Variants in CAMK1D observed in about 807,000 individuals in gnomAD.
The protein encoded by CAMK1D is calcium/calmodulin dependent protein kinase ID.
Under a neutral mutation model 47.7 loss-of-function variants are expected in CAMK1D, and 9 were observed. The observed-to-expected ratio is 0.19, with a 90% CI of 0.11 to 0.33. CAMK1D has a LOEUF of 0.33. Ranked by LOEUF, CAMK1D falls within the 10% of genes least tolerant of loss-of-function variation. CAMK1D has a pLI of 1.00. For missense variants in CAMK1D, 291 were observed against 488.7 expected (o/e 0.60, Z 3.81); for synonymous variants, 184 against 184.9 (o/e 0.99, Z 0.04).
intron 4 of CAMK1D, among the ~76,000 whole-genome samples, chr10:12,765,958 C>CT (rs147498267): frequency 0.15 from 12,666 of 86,386 alleles, 1,207 homozygotes; most frequent in African/African-American, 0.19. Context: ...CCATCCTAAT[C>CT]TTTTTTTTTT....
At chr10:12,418,070 T>C (rs1205322702) in intron 1 of CAMK1D, among the ~76,000 whole-genome samples, 4 of 152,216 alleles carry the variant, frequency 2.6e-5, no homozygotes, top group African/African-American at 9.6e-5. Flanking sequence ...CCTCCCAAAG[T>C]GCTCACAAGA....
At chr10:12,441,528 TAAA>T (rs111767948) in intron 1 of CAMK1D, among the ~76,000 whole-genome samples, 26 of 146,694 alleles carry the variant, frequency 1.8e-4, no homozygotes, top group Admixed American at 2.7e-4. Context: ...TTCCTTTTGT[TAAA>T]AAAAAAAAAA....
rs868504240 is a variant in CAMK1D at position 12,497,428 on chromosome 10, G to A, written c.93-55797G>A. On this transcript the variant is annotated intron_variant, in intron 1 of 10. Transcript: ENST00000619168. ...GGAGGAGGAAGTTGCAGTGAACCGAGATCACGCCACTGCACCTCAGCCTGG... is the reference window on the plus strand; with the variant it reads ...GGAGGAGGAAGTTGCAGTGAACCGAAATCACGCCACTGCACCTCAGCCTGG... 3.3e-4 allele frequency among the ~76,000 whole-genome samples: 45 copies of A among 137,986 alleles called. 1 individual carries two copies. Among genetic ancestry groups the A allele is most frequent in the South Asian group, 6.8e-4 (3 of 4,392 alleles). 90.5% of individuals were successfully genotyped at this position (137,986 alleles called of 152,430 possible). A position where few individuals can be genotyped will look rare whatever the true frequency, so the allele number is the denominator to read the frequency against.
At chr10:12,380,201 C>G (rs1021241844) in intron 1 of CAMK1D, among the ~76,000 whole-genome samples, 2 of 151,804 alleles carry the variant, frequency 1.3e-5, no homozygotes, top group African/African-American at 4.8e-5. Context: ...GGTGACAGAG[C>G]GAGACTCTAT....
At chr10:12,352,942 T>C (rs575685893) in intron 1 of CAMK1D, among the ~76,000 whole-genome samples, 1 of 152,166 alleles carries the variant, frequency 6.6e-6, no homozygotes, top group South Asian at 2.1e-4. Context: ...TTTCACCGTG[T>C]TAGCCAGGAT....
rs1318305759 is a variant in CAMK1D at position 12,830,581 on chromosome 10, T to G, written c.*1694T>G. On this transcript the variant is annotated 3_prime_UTR_variant, in exon 11 of 11. Transcript: ENST00000619168. ...AATATCCGGGGCAAAGCAGGCTGTG[T>G]TGTTCGCCTTTGTGGAGCCAGGCAG... 1.3e-5 allele frequency: 2 copies of G among 152,266 alleles called. No homozygotes were observed. The highest frequency in any genetic ancestry group is 1.9e-4 in the East Asian group (1 of 5,196). The allele number at this position is 152,266 out of a possible 1,614,324, so 9.4% of individuals were successfully genotyped here. A position where few individuals can be genotyped will look rare whatever the true frequency, so the allele number is the denominator to read the frequency against.
chr10:12,816,367 A>G (rs1224330622), intron 8 of CAMK1D, 39 bp downstream of exon 8: 9 of 1,560,620 alleles, frequency 5.8e-6, no homozygotes, highest in African/African-American at 2.7e-5. Flanking sequence ...GTGCCATTTA[A>G]TGCCATCTGG....
At chr10:12,508,133 T>G (rs1834933069) in intron 1 of CAMK1D, among the ~76,000 whole-genome samples, 1 of 152,206 alleles carries the variant, frequency 6.6e-6, no homozygotes, top group Admixed American at 6.5e-5. Flanking sequence ...ATGCTGCCTG[T>G]TCTCAGGGAG....
Position 12,694,381 on chromosome 10 carries a change from AAT to A in CAMK1D, c.299+27578_299+27579del, listed in dbSNP as rs562319205. 3.8e-3 allele frequency among the ~76,000 whole-genome samples: 368 copies of A among 96,092 alleles called. 20 individuals carry two copies. The Admixed American group carries it at 0.045, about 12-fold the overall frequency. The allele number at this position is 96,092 out of a possible 152,430, so 63.0% of individuals were successfully genotyped here. On this transcript the variant is annotated intron_variant, in intron 3 of 10. Transcript: ENST00000619168. ...GTTATATGTTATATATAAAATATAA[AAT>A]ATATATGTTATATATCATATATAAA... is the stretch of plus-strand genomic sequence containing the variant.
intron 3 of CAMK1D, among the ~76,000 whole-genome samples, chr10:12,679,221 C>T (rs909402869): frequency 1.3e-5 from 2 of 152,072 alleles, no homozygotes; most frequent in South Asian, 2.1e-4. Context: ...ACAATTGTAA[C>T]CTTTTTGAAA....
At chr10:12,596,730 T>A (rs1838156119) in intron 2 of CAMK1D, among the ~76,000 whole-genome samples, 1 of 152,102 alleles carries the variant, frequency 6.6e-6, no homozygotes, top group Non-Finnish European at 1.5e-5. Context: ...GGTCTAGAAT[T>A]TAAACTGGTA....
chr10:12,406,808 T>C (rs1452689122), intron 1 of CAMK1D, among the ~76,000 whole-genome samples: 1 of 148,992 alleles, frequency 6.7e-6, no homozygotes, highest in East Asian at 2.0e-4. Context: ...GCATCCTCCA[T>C]TGCTGCGTAA....
At chr10:12,429,926 A>G (rs1588476702) in intron 1 of CAMK1D, among the ~76,000 whole-genome samples, 1 of 152,064 alleles carries the variant, frequency 6.6e-6, no homozygotes, top group Non-Finnish European at 1.5e-5. Context: ...TGGGCTGGGT[A>G]ACTGCAGTTC....
intron 2 of CAMK1D, among the ~76,000 whole-genome samples, chr10:12,562,798 C>G (rs537517008): frequency 1.6e-4 from 24 of 152,226 alleles, no homozygotes; most frequent in African/African-American, 5.8e-4. Flanking sequence ...CTGTGGACTT[C>G]CTGAATCTAG....
rs1248414163 is a variant in CAMK1D at position 12,591,755 on chromosome 10, G to A, written c.224+38399G>A. Among the ~76,000 whole-genome samples, 9 of 152,298 alleles carry A rather than the reference G, an allele frequency of 5.9e-5. No individual in the cohort carries two copies. In the South Asian group the frequency reaches 1.7e-3, roughly 28 times the overall value. ...GTCCCCCAGGCTGGAGTGCAATGGC[G>A]CGATCTCGGCTCACTGCAACCTCCG... On this transcript the variant is annotated intron_variant, in intron 2 of 10. Coordinates refer to ENST00000619168, the MANE Select transcript of CAMK1D (RefSeq NM_153498.4).
intron 2 of CAMK1D, among the ~76,000 whole-genome samples, chr10:12,636,692 T>C (rs1009781601): frequency 2.0e-5 from 3 of 152,154 alleles, no homozygotes; most frequent in Non-Finnish European, 2.9e-5. Context: ...TTTGAAGTTA[T>C]ACAGCCAGCA....
rs372087076 is a variant in CAMK1D, at chr10:12,363,400, G to C, written c.92+13490G>C. Among the ~76,000 whole-genome samples the C allele has an allele frequency of 2.6e-5, 4 of 151,870 alleles. No individual in the cohort carries two copies. In the East Asian group the frequency reaches 7.8e-4, roughly 30 times the overall value. On this transcript the variant is annotated intron_variant, in intron 1 of 10. Coordinates refer to ENST00000619168, the MANE Select transcript of CAMK1D (RefSeq NM_153498.4). ...CTTCCAAGTAGCCGGGATTACAGGT[G>C]CCCACCACCATGCCTAGCTAATTTT...
At position 12,349,570 on chromosome 10, in the gene CAMK1D, GGCGGCGGCAAAGGAGCCGGCGC is replaced by G. The variant is rs1013587011; in HGVS notation, c.-240_-219del. ...AAAGTAGCAGAAAGTGAGGCTGGCA[GGCGGCGGCAAAGGAGCCGGCGC>G]GCGGCGGCGGCAGGAAGTCTGTGCC... On this transcript the variant is annotated 5_prime_UTR_variant, in exon 1 of 11. Coordinates refer to ENST00000619168, the MANE Select transcript of CAMK1D (RefSeq NM_153498.4). 11 of 155,614 alleles carry G rather than the reference GGCGGCGGCAAAGGAGCCGGCGC, an allele frequency of 7.1e-5. No individual in the cohort carries two copies. The highest frequency in any genetic ancestry group is 1.9e-4 in the East Asian group (1 of 5,202). The allele number at this position is 155,614 out of a possible 1,614,324, so 9.6% of individuals were successfully genotyped here.
At chr10:12,605,366 G>GTGTGTGTA (rs769065333) in intron 2 of CAMK1D, among the ~76,000 whole-genome samples, 16 of 151,100 alleles carry the variant, frequency 1.1e-4, no homozygotes, top group Admixed American at 4.6e-4. Context: ...GTGTGTGTGT[G>GTGTGTGTA]TATGTGTGTC....
Sources: gnomAD v4.1 joint callset for allele counts (sites outside exome capture counted in the v4.1 genomes callset) on GRCh38, gnomAD v4.1.1 for gene constraint, MANE v1.5 for transcripts, NCBI Gene and HGNC (gene_info 2026-07-23, HGNC 2026-07-21) for gene names.